Variants in MCTP1 observed in about 807,000 individuals in gnomAD.
MCTP1 encodes the protein multiple C2 and transmembrane domain containing 1, also known as multiple C2 and transmembrane domain-containing protein 1.
Under a neutral mutation model 120.6 loss-of-function variants are expected in MCTP1, and 69 were observed. The observed-to-expected ratio is 0.57, with a 90% CI of 0.47 to 0.70. The LOEUF (loss-of-function observed/expected upper bound fraction) is 0.70, where lower values mean the gene tolerates loss of function less well. MCTP1 is among the 30% of genes least tolerant of loss of function. The pLI is 0.00. For missense variants in MCTP1, 1,203 were observed against 1,248.8 expected (o/e 0.96, Z 0.55); for synonymous variants, 529 against 493.1 (o/e 1.07, Z -0.96).
intron 1 of MCTP1, among the ~76,000 whole-genome samples, chr5:95,094,966 GC>G (rs1756116691): frequency 7.4e-6 from 1 of 135,812 alleles, no homozygotes; most frequent in Non-Finnish European, 1.6e-5. Flanking sequence ...GATTACTTCT[GC>G]CCAAGGCAAG....
chr5:95,065,725 T>C (rs1750485083), intron 1 of MCTP1, among the ~76,000 whole-genome samples: 1 of 152,182 alleles, frequency 6.6e-6, no homozygotes, highest in Non-Finnish European at 1.5e-5. Context: ...CAATTCAATA[T>C]TTTTCTAGAG....
chr5:94,775,934 TA>T (rs2152923365), intron 19 of MCTP1, among the ~76,000 whole-genome samples: 1 of 146,850 alleles, frequency 6.8e-6, no homozygotes, highest in African/African-American at 2.5e-5. Flanking sequence ...CATATAAATA[TA>T]TTAATATATA....
intron 2 of MCTP1, among the ~76,000 whole-genome samples, chr5:94,992,616 G>A (rs1163756841): frequency 1.3e-5 from 2 of 152,170 alleles, no homozygotes; most frequent in African/African-American, 4.8e-5. Context: ...GCATAGGCCA[G>A]GCCACAGGTA....
At chr5:94,764,133 C>T (rs529188923) in intron 19 of MCTP1, among the ~76,000 whole-genome samples, 10 of 152,324 alleles carry the variant, frequency 6.6e-5, no homozygotes, top group African/African-American at 1.9e-4. Context: ...AGAGATATGG[C>T]AGAGCCAAGG....
At chr5:94,809,249 GT>G (rs967122816) in intron 17 of MCTP1, among the ~76,000 whole-genome samples, 236 of 145,746 alleles carry the variant, frequency 1.6e-3, no homozygotes, top group Middle Eastern at 3.6e-3. Context: ...TTATTTAAAT[GT>G]TTTTTTTTTT....
chr5:94,995,127 T>A (rs1238560934), intron 2 of MCTP1, among the ~76,000 whole-genome samples: 1 of 152,214 alleles, frequency 6.6e-6, no homozygotes, highest in Non-Finnish European at 1.5e-5. Flanking sequence ...TATATACATC[T>A]ATCCTATTAG....
At chr5:94,730,314 T>TAC (rs1762889746) in intron 19 of MCTP1, among the ~76,000 whole-genome samples, 1 of 152,166 alleles carries the variant, frequency 6.6e-6, no homozygotes. Context: ...CACATGATAC[T>TAC]ACACTCAGCT....
At chr5:94,927,213 A>C (rs1813362253) in intron 6 of MCTP1, among the ~76,000 whole-genome samples, 2 of 152,176 alleles carry the variant, frequency 1.3e-5, no homozygotes, top group African/African-American at 4.8e-5. Context: ...AAATAAACTT[A>C]CTACAAATTT....
intron 1 of MCTP1, among the ~76,000 whole-genome samples, chr5:95,019,343 C>T (rs1161142080): frequency 6.6e-6 from 1 of 151,936 alleles, no homozygotes; most frequent in African/African-American, 2.4e-5. Flanking sequence ...CCATAGTCAC[C>T]ACGCTGTGTA....
intron 2 of MCTP1, among the ~76,000 whole-genome samples, chr5:94,994,101 A>G (rs1171700230): frequency 6.6e-6 from 1 of 152,216 alleles, no homozygotes; most frequent in Non-Finnish European, 1.5e-5. Flanking sequence ...AGACATGGCA[A>G]TTTGAGCTCA....
chr5:94,974,396 A>T (rs564394816), intron 2 of MCTP1, among the ~76,000 whole-genome samples: 7 of 152,024 alleles, frequency 4.6e-5, no homozygotes, highest in East Asian at 1.9e-4. Context: ...AAATTTTTTT[A>T]AAAAATTAGC....
At chr5:94,773,495 A>G (rs904258120) in intron 19 of MCTP1, among the ~76,000 whole-genome samples, 1 of 152,160 alleles carries the variant, frequency 6.6e-6, no homozygotes, top group African/African-American at 2.4e-5. Flanking sequence ...GCCTTCCAAT[A>G]GATATATCAT....
chr5:94,837,880 C>T (rs1790178917), intron 17 of MCTP1, among the ~76,000 whole-genome samples: 1 of 152,154 alleles, frequency 6.6e-6, no homozygotes, highest in African/African-American at 2.4e-5. Context: ...ACTACACTTG[C>T]CAGGAGTCAG....
chr5:95,280,652 T>A (rs1381849017), intron 1 of MCTP1, among the ~76,000 whole-genome samples: 6 of 148,204 alleles, frequency 4.0e-5, no homozygotes, highest in African/African-American at 1.6e-4. Flanking sequence ...AAAGGGATAT[T>A]TTTTTTTCCT....
chr5:94,993,954 C>G (rs909295723), intron 2 of MCTP1, among the ~76,000 whole-genome samples: 4 of 152,126 alleles, frequency 2.6e-5, no homozygotes, highest in Non-Finnish European at 5.9e-5. Context: ...CTGGGAAGAC[C>G]CATTGAAATT....
At chr5:94,726,288 A>G (rs927474387) in intron 19 of MCTP1, among the ~76,000 whole-genome samples, 1 of 152,210 alleles carries the variant, frequency 6.6e-6, no homozygotes, top group African/African-American at 2.4e-5. Context: ...ACCCACTGGA[A>G]GTTGTATGTC....
chr5:94,820,076 T>C (rs963175691), intron 17 of MCTP1, among the ~76,000 whole-genome samples: 3 of 152,348 alleles, frequency 2.0e-5, no homozygotes, highest in African/African-American at 7.2e-5. Context: ...TGTACCTTGA[T>C]GACTTGTCAC....
At chr5:94,898,308 C>T (rs549795161) in intron 10 of MCTP1, among the ~76,000 whole-genome samples, 6 of 152,252 alleles carry the variant, frequency 3.9e-5, no homozygotes, top group East Asian at 1.9e-4. Context: ...ATATTCTACT[C>T]GAGAGTAAGA....
At chr5:94,832,453 G>C (rs116121078) in intron 17 of MCTP1, among the ~76,000 whole-genome samples, 1,596 of 152,230 alleles carry the variant, frequency 0.01, 12 homozygotes, top group Middle Eastern at 0.017. Flanking sequence ...ATATGTCTGT[G>C]ATTTCTTTGA....
Sources: allele counts gnomAD v4.1 joint callset (sites outside exome capture counted in the v4.1 genomes callset), GRCh38; gene constraint gnomAD v4.1.1; transcripts MANE v1.5; gene names NCBI Gene and HGNC (gene_info 2026-07-23, HGNC 2026-07-21).